Variants in NDUFS4 observed in about 807,000 individuals in gnomAD.
NDUFS4 encodes NADH:ubiquinone oxidoreductase subunit S4.
Under a neutral mutation model 24.3 loss-of-function variants are expected in NDUFS4, and 28 were observed. That is an observed-to-expected ratio of 1.15 (90% CI 0.85 to 1.58). The LOEUF is 1.58. Among genes scored for constraint, NDUFS4 ranks in the 40% most tolerant of loss-of-function variants. NDUFS4 has a pLI of 0.00. For synonymous variants in NDUFS4, 93 were observed against 69.7 expected (o/e 1.34, Z -1.67); for missense variants, 223 against 207.9 (o/e 1.07, Z -0.45).
chr5:53,620,482 G>A (rs562418969), intron 2 of NDUFS4, among the ~76,000 whole-genome samples: 1 of 152,258 alleles, frequency 6.6e-6, no homozygotes, highest in South Asian at 2.1e-4. Flanking sequence ...TGGTTGATGA[G>A]ATTTCTATCA....
intron 4 of NDUFS4, among the ~76,000 whole-genome samples, chr5:53,676,423 G>T (rs1241987192): frequency 6.6e-6 from 1 of 152,114 alleles, no homozygotes. Context: ...TTTTATATGT[G>T]TTTTTGTTTA....
At chr5:53,674,628 A>C (rs536419623) in intron 4 of NDUFS4, among the ~76,000 whole-genome samples, 1 of 152,218 alleles carries the variant, frequency 6.6e-6, no homozygotes, top group Non-Finnish European at 1.5e-5. Flanking sequence ...AATTAAAAAA[A>C]TAAGAGATCT....
At chr5:53,649,772 T>C (rs1434987498) in intron 3 of NDUFS4, among the ~76,000 whole-genome samples, 1 of 152,204 alleles carries the variant, frequency 6.6e-6, no homozygotes, top group African/African-American at 2.4e-5. Context: ...TCCATAGGGG[T>C]TGAATTGCTT....
chr5:53,669,565 AT>A (rs1169274643), intron 4 of NDUFS4, among the ~76,000 whole-genome samples: 1 of 151,982 alleles, frequency 6.6e-6, no homozygotes, highest in African/African-American at 2.4e-5. Flanking sequence ...TTTCACAATA[AT>A]TTGTTCCTTT....
At chr5:53,682,156 GC>G (rs1321594575) in intron 4 of NDUFS4, among the ~76,000 whole-genome samples, 5 of 152,210 alleles carry the variant, frequency 3.3e-5, no homozygotes, top group African/African-American at 1.2e-4. Flanking sequence ...TATAGGGGTT[GC>G]CTAGCTTAGG....
intron 4 of NDUFS4, among the ~76,000 whole-genome samples, chr5:53,661,353 G>A (rs1579930115): frequency 6.6e-6 from 1 of 151,982 alleles, no homozygotes; most frequent in Admixed American, 6.6e-5. Flanking sequence ...CTGTTCCATT[G>A]GTGTATATCT....
At position 53,603,490 on chromosome 5, in the gene NDUFS4, A is replaced by G; in HGVS notation, c.137A>G (p.Gln46Arg). Residue 46 changes from glutamine to arginine, a missense_variant, in exon 2 of 5, where the codon CAG becomes CGG. Gln to Arg is a conservative substitution (Grantham distance 43). Coordinates refer to ENST00000296684, the MANE Select transcript of NDUFS4 (RefSeq NM_002495.4). ...TCCACATGGAGATTGGCACAGGACCAGACTCAAGACACACAACTCATAACA... is the reference window on the plus strand; with the variant it reads ...TCCACATGGAGATTGGCACAGGACCGGACTCAAGACACACAACTCATAACA... ...RTSTWRLAQD[Q>R]TQDTQLITVD... is the part of the protein sequence containing the mutation. 1 of 1,614,030 alleles carries G rather than the reference A, an allele frequency of 6.2e-7. No homozygotes were observed. Among genetic ancestry groups the G allele is most frequent in the Non-Finnish European group, 8.5e-7 (1 of 1,179,966 alleles).
chr5:53,564,449 A>T (rs1241803570), intron 1 of NDUFS4, among the ~76,000 whole-genome samples: 1 of 152,202 alleles, frequency 6.6e-6, no homozygotes, highest in Non-Finnish European at 1.5e-5. Flanking sequence ...GTTTTCTGAT[A>T]GGTTTATTTG....
intron 2 of NDUFS4, among the ~76,000 whole-genome samples, chr5:53,617,061 A>C (rs381575): frequency 0.42 from 63,423 of 151,988 alleles, 13,975 homozygotes; most frequent in African/African-American, 0.56. Context: ...CCCCTTCTCC[A>C]CCAAGGGAAA....
chr5:53,618,861 C>A (rs1258415091), intron 2 of NDUFS4, among the ~76,000 whole-genome samples: 1 of 152,056 alleles, frequency 6.6e-6, no homozygotes, highest in Admixed American at 6.5e-5. Flanking sequence ...AACCTGTAAT[C>A]CTAGCACTTT....
Position 53,664,510 on chromosome 5 carries a change from G to A in NDUFS4, c.424+5886G>A, listed in dbSNP as rs189521078. ...GGTCTTTTCATATAGTCCCGTATTTGTTGGAGGCTTTGTTCGTTTCTTTTT... is the reference window on the plus strand; with the variant it reads ...GGTCTTTTCATATAGTCCCGTATTTATTGGAGGCTTTGTTCGTTTCTTTTT... On this transcript the variant is annotated intron_variant, in intron 4 of 4. Transcript: ENST00000296684. Among the ~76,000 whole-genome samples the A allele has an allele frequency of 3.2e-3, 485 of 152,258 alleles. 1 individual carries two copies. Among genetic ancestry groups the A allele is most frequent in the Non-Finnish European group, 5.9e-3 (400 of 68,020 alleles).
At chr5:53,586,051 A>G (rs1237506552) in intron 1 of NDUFS4, among the ~76,000 whole-genome samples, 1 of 152,002 alleles carries the variant, frequency 6.6e-6, no homozygotes, top group East Asian at 1.9e-4. Flanking sequence ...AATATCGGCC[A>G]GGTGCAGTGG....
intron 2 of NDUFS4, among the ~76,000 whole-genome samples, chr5:53,628,666 GA>G (rs1295721786): frequency 2.0e-5 from 3 of 152,132 alleles, no homozygotes; most frequent in African/African-American, 7.2e-5. Context: ...TATTTGCATA[GA>G]GTTGTCTATA....
At chr5:53,587,781 G>A (rs932414604) in intron 1 of NDUFS4, among the ~76,000 whole-genome samples, 2 of 152,072 alleles carry the variant, frequency 1.3e-5, no homozygotes, top group African/African-American at 4.8e-5. Flanking sequence ...ATTTCACCAT[G>A]TTGCCCAGGC....
chr5:53,566,731 A>G (rs1299716143), intron 1 of NDUFS4, among the ~76,000 whole-genome samples: 1 of 152,130 alleles, frequency 6.6e-6, no homozygotes, highest in Non-Finnish European at 1.5e-5. Context: ...TATGATACCT[A>G]ATACAATGTA....
intron 1 of NDUFS4, among the ~76,000 whole-genome samples, chr5:53,576,367 C>T (rs973684680): frequency 2.0e-5 from 3 of 152,166 alleles, no homozygotes; most frequent in Non-Finnish European, 2.9e-5. Flanking sequence ...TAAGGGTGCA[C>T]CTAGCTAGTC....
chr5:53,611,823 C>T (rs752357075), intron 2 of NDUFS4, among the ~76,000 whole-genome samples: 12 of 151,910 alleles, frequency 7.9e-5, no homozygotes, highest in East Asian at 1.9e-4. Flanking sequence ...TTGATGAATA[C>T]GCAAGTCCAA....
chr5:53,646,238 C>A lies in NDUFS4; in HGVS notation c.183C>A (p.Ile61=). The A allele has an allele frequency of 6.2e-7, 1 of 1,607,124 alleles. No individual in the cohort carries two copies. The highest frequency in any genetic ancestry group is 1.1e-5 in the South Asian group (1 of 90,752). Residue 61 remains isoleucine (I), a synonymous_variant, in exon 3 of 5, where the codon ATC becomes ATA. Transcript: ENST00000296684. ...QLITVDEKLD[I]TTLTGVPEEH... is the part of the protein sequence containing the mutation. ...TTTTTCTTGTTTTTCTGTAGGATAT[C>A]ACTACTTTAACTGGAGTTCCAGAAG... is the stretch of plus-strand genomic sequence containing the variant.
chr5:53,617,503 G>A lies in NDUFS4; in HGVS notation c.177+13973G>A, dbSNP rs188926342. The stretch of plus-strand genomic sequence containing the variant: ...TGGCTTTCTGAGTCATTCTTTGGCC[G>A]TCATTTTTTCCCCCACTCCCCTGTC... On this transcript the variant is annotated intron_variant, in intron 2 of 4. Transcript: ENST00000296684. 1.5e-3 allele frequency among the ~76,000 whole-genome samples: 233 copies of A among 151,464 alleles called. 1 individual carries two copies. Among genetic ancestry groups the A allele is most frequent in the African/African-American group, 5.0e-3 (207 of 41,234 alleles).
Sources: allele counts gnomAD v4.1 joint callset (sites outside exome capture counted in the v4.1 genomes callset), GRCh38; gene constraint gnomAD v4.1.1; transcripts MANE v1.5; gene names NCBI Gene and HGNC (gene_info 2026-07-23, HGNC 2026-07-21).